Variants in ADAMTS17 observed in about 807,000 individuals in gnomAD.
ADAMTS17 encodes the protein A disintegrin and metalloproteinase with thrombospondin motifs 17.
A neutral mutation model predicts 141.5 loss-of-function variants in ADAMTS17; 113 were observed. That is an observed-to-expected ratio of 0.80 (90% CI 0.69 to 0.93). The LOEUF is 0.93. Among genes scored for constraint, ADAMTS17 ranks in the 40% least tolerant of loss-of-function variants. The pLI is 0.00. For synonymous variants in ADAMTS17, 768 were observed against 630.6 expected (o/e 1.22, Z -3.27); for missense variants, 1,659 against 1,517.9 (o/e 1.09, Z -1.54).
chr15:100,284,813 A>T (rs1374182757), intron 3 of ADAMTS17, among the ~76,000 whole-genome samples: 2 of 152,228 alleles, frequency 1.3e-5, no homozygotes, highest in African/African-American at 4.8e-5. Flanking sequence ...CTTCAAAAGT[A>T]AGAAGAAAAA....
At chr15:100,061,252 G>T (rs547933977) in intron 15 of ADAMTS17, among the ~76,000 whole-genome samples, 1 of 152,178 alleles carries the variant, frequency 6.6e-6, no homozygotes, top group African/African-American at 2.4e-5. Context: ...CTCCATGAAC[G>T]GCAGCGAAAT....
At chr15:100,065,768 T>C (rs1277522190) in intron 15 of ADAMTS17, among the ~76,000 whole-genome samples, 2 of 152,190 alleles carry the variant, frequency 1.3e-5, no homozygotes, top group African/African-American at 2.4e-5. Context: ...GTTTGTTACA[T>C]ATGTATACAT....
rs1165219013 is a variant in ADAMTS17, at chr15:100,133,248, G to C, written c.1541C>G (p.Pro514Arg). 3.1e-6 allele frequency: 5 copies of C among 1,599,408 alleles called. No homozygotes were observed. The African/African-American group carries it at 5.3e-5, about 17-fold the overall frequency. Residue 514 changes from proline to arginine, a missense_variant, in exon 11 of 22, where the codon CCT (proline) becomes CGT (arginine). Pro to Arg is a moderately radical substitution (Grantham distance 103, BLOSUM62 -2). Coordinates refer to ENST00000268070, the MANE Select transcript of ADAMTS17 (RefSeq NM_139057.4). Reference sequence around the variant, plus strand: ...CCCACACTCGGTGCCATCCAGGGGAGGGTCCAGCTTGGTCTTGCAGGATGT... The same window carrying C: ...CCCACACTCGGTGCCATCCAGGGGACGGTCCAGCTTGGTCTTGCAGGATGT... ...GDTSCKTKLD[P>R]PLDGTECGAD...
At chr15:99,976,956 C>T (rs1172872652) in intron 20 of ADAMTS17, among the ~76,000 whole-genome samples, 2 of 152,146 alleles carry the variant, frequency 1.3e-5, no homozygotes, top group African/African-American at 2.4e-5. Flanking sequence ...AGCAGCATGG[C>T]TTGGTGGCCC....
intron 8 of ADAMTS17, among the ~76,000 whole-genome samples, chr15:100,197,617 T>C (rs963887041): frequency 6.6e-6 from 1 of 152,204 alleles, no homozygotes; most frequent in Non-Finnish European, 1.5e-5. Flanking sequence ...GAGATAACTG[T>C]GCACTCAGAG....
At chr15:100,084,555 T>A (rs1362804595) in intron 15 of ADAMTS17, among the ~76,000 whole-genome samples, 3 of 152,132 alleles carry the variant, frequency 2.0e-5, no homozygotes, top group Admixed American at 6.5e-5. Context: ...TCAAGTTGGG[T>A]CCCTGACCCC....
At chr15:100,004,182 G>T (rs906828286) in intron 18 of ADAMTS17, among the ~76,000 whole-genome samples, 2 of 152,254 alleles carry the variant, frequency 1.3e-5, no homozygotes, top group Non-Finnish European at 2.9e-5. Flanking sequence ...CACCTGCAGT[G>T]CAGGAGGAGC....
chr15:100,133,086 A>G (rs2038137493), intron 11 of ADAMTS17, 128 bp downstream of exon 11: 1 of 879,716 alleles, frequency 1.1e-6, no homozygotes, highest in Non-Finnish European at 1.7e-6. Flanking sequence ...CTCCATGGGC[A>G]TTTCTGTGCC....
chr15:100,076,310 T>TG, intron 15 of ADAMTS17, among the ~76,000 whole-genome samples: 1 of 152,204 alleles, frequency 6.6e-6, no homozygotes, highest in Non-Finnish European at 1.5e-5. Flanking sequence ...CCCAAAGTGC[T>TG]GGGGTTACAG....
At chr15:99,998,991 C>A (rs1421686260) in intron 18 of ADAMTS17, among the ~76,000 whole-genome samples, 1 of 152,226 alleles carries the variant, frequency 6.6e-6, no homozygotes, top group Non-Finnish European at 1.5e-5. Flanking sequence ...CGGGCCATCC[C>A]ACTGTTGAGC....
At chr15:100,099,298 T>C (rs1341635554) in intron 14 of ADAMTS17, among the ~76,000 whole-genome samples, 5 of 152,232 alleles carry the variant, frequency 3.3e-5, no homozygotes, top group Non-Finnish European at 7.3e-5. Flanking sequence ...CTCTAAATGC[T>C]GACGGGTGAC....
chr15:100,341,566 C>G (rs1165099474), intron 1 of ADAMTS17, among the ~76,000 whole-genome samples, 157 bp from the exon 2 acceptor site: 1 of 149,310 alleles, frequency 6.7e-6, no homozygotes, highest in Non-Finnish European at 1.5e-5. Context: ...CCCGCGCCAC[C>G]CGGGGAGGGT....
intron 4 of ADAMTS17, among the ~76,000 whole-genome samples, chr15:100,276,655 G>C (rs1410613622): frequency 6.6e-6 from 1 of 152,092 alleles, no homozygotes; most frequent in East Asian, 1.9e-4. Flanking sequence ...TAAGGAGACA[G>C]AGCCACTCCC....
intron 18 of ADAMTS17, among the ~76,000 whole-genome samples, chr15:100,044,004 G>A (rs1180555800): frequency 1.3e-5 from 2 of 152,202 alleles, no homozygotes; most frequent in Non-Finnish European, 2.9e-5. Flanking sequence ...TTTTGTAGGT[G>A]TTTTCCTACA....
At chr15:100,080,852 T>C (rs1179689417) in intron 15 of ADAMTS17, among the ~76,000 whole-genome samples, 1 of 152,226 alleles carries the variant, frequency 6.6e-6, no homozygotes, top group East Asian at 1.9e-4. Flanking sequence ...TATTTCTGGT[T>C]GTACGAAGGA....
At chr15:100,018,667 A>T (rs1341045432) in intron 18 of ADAMTS17, among the ~76,000 whole-genome samples, 1 of 152,194 alleles carries the variant, frequency 6.6e-6, no homozygotes, top group Non-Finnish European at 1.5e-5. Context: ...ATTGTGTGCC[A>T]ATGAAGCCTC....
In ADAMTS17 at chr15:100,261,743, A is replaced by G. The variant is rs2043526095; in HGVS notation, c.874-107T>C. 4.6e-6 allele frequency: 6 copies of G among 1,298,872 alleles called. No homozygotes were observed. In the South Asian group the frequency reaches 6.4e-5, roughly 14 times the overall value. The allele number at this position is 1,298,872 out of a possible 1,614,324, so 80.5% of individuals were successfully genotyped here. ...GGTGGAGGCAGTCACTCACTGAGAC[A>G]TCATTTGATGACTCACGGCCCTCGA... On this transcript the variant is annotated intron_variant, in intron 5 of 21. Transcript: ENST00000268070.
At chr15:100,070,253 T>C (rs2033870797) in intron 15 of ADAMTS17, among the ~76,000 whole-genome samples, 1 of 141,914 alleles carries the variant, frequency 7.0e-6, no homozygotes, top group African/African-American at 2.5e-5. Flanking sequence ...AAGTCCTGAG[T>C]GACCTACAAA....
At position 100,190,477 on chromosome 15, in the gene ADAMTS17, CTTCCAGAGGCCACAGGTTGGGTT is replaced by C. The variant is rs1392587364; in HGVS notation, c.1181+8818_1181+8840del. ...AAGGTCCCCAAAGGCATTCAGGTTT[CTTCCAGAGGCCACAGGTTGGGTT>C]TTCCAGAGGCCACAGGTTGGGCCTG... On this transcript the variant is annotated intron_variant, in intron 8 of 21. Transcript: ENST00000268070. 1.8e-3 allele frequency among the ~76,000 whole-genome samples: 274 copies of C among 151,894 alleles called. 1 individual carries two copies. Among genetic ancestry groups the C allele is most frequent in the African/African-American group, 6.0e-3 (249 of 41,184 alleles).
Sources: gnomAD v4.1 joint callset for allele counts (sites outside exome capture counted in the v4.1 genomes callset) on GRCh38, gnomAD v4.1.1 for gene constraint, MANE v1.5 for transcripts, NCBI Gene and HGNC (gene_info 2026-07-23, HGNC 2026-07-21) for gene names.